DPP6: variants seen among roughly 807,000 people sequenced by gnomAD.
The protein encoded by DPP6 is dipeptidyl peptidase like 6.
Under a neutral mutation model 122.6 loss-of-function variants are expected in DPP6, and 69 were observed. The observed-to-expected ratio is 0.56, with a 90% CI of 0.46 to 0.69. DPP6 has a LOEUF of 0.69. DPP6 is among the 30% of genes least tolerant of loss of function. The probability of loss-of-function intolerance (pLI) is 0.00; values close to 1 mark genes in which losing one functional copy is unlikely to be tolerated. For missense variants in DPP6, 928 were observed against 1,116.9 expected, an observed-to-expected ratio of 0.83 and a Z score of 2.41; for synonymous variants, 418 against 433.1, an observed-to-expected ratio of 0.97 and a Z score of 0.43.
chr7:153,945,440 C>A (rs1585070263), intron 1 of DPP6, among the ~76,000 whole-genome samples: 1 of 152,112 alleles, frequency 6.6e-6, no homozygotes, highest in African/African-American at 2.4e-5. Flanking sequence ...TACATAGAGG[C>A]AGTGGAGATG....
intron 17 of DPP6, among the ~76,000 whole-genome samples, chr7:154,855,814 C>T (rs185288678): frequency 6.6e-6 from 1 of 152,376 alleles, no homozygotes; most frequent in African/African-American, 2.4e-5. Flanking sequence ...AGAGCCTCAA[C>T]TGTGACATCT....
At chr7:153,844,216 C>T in the DPP6 span, among the ~76,000 whole-genome samples, 1 of 152,192 alleles carries the variant, frequency 6.6e-6, no homozygotes, top group African/African-American at 2.4e-5. Context: ...TTACAATAAT[C>T]AGGAGCATTT....
intron 1 of DPP6, among the ~76,000 whole-genome samples, chr7:154,221,052 G>A (rs1437132430): frequency 7.2e-5 from 11 of 152,094 alleles, no homozygotes; most frequent in African/African-American, 1.9e-4. Flanking sequence ...GCATAAAAAC[G>A]GGGTTCCTGC....
chr7:154,651,356 T>C (rs1486570682), intron 6 of DPP6, among the ~76,000 whole-genome samples: 1 of 152,104 alleles, frequency 6.6e-6, no homozygotes, highest in Non-Finnish European at 1.5e-5. Context: ...GTCCTGGGGT[T>C]ACATAAGTAT....
chr7:153,762,962 T>C, the DPP6 span, among the ~76,000 whole-genome samples: 2 of 151,936 alleles, frequency 1.3e-5, no homozygotes, highest in Non-Finnish European at 2.9e-5. Context: ...AACAAAGACA[T>C]AGAGATTACA....
chr7:153,886,324 G>A (rs2128990894), upstream of DPP6, among the ~76,000 whole-genome samples: 1 of 152,336 alleles, frequency 6.6e-6, no homozygotes, highest in Non-Finnish European at 1.5e-5. Context: ...CCCAGGGGCA[G>A]CAGGTGGAGA....
intron 25 of DPP6, 22 bp downstream of exon 25, chr7:154,889,552 GT>G (rs1563332556): frequency 3.8e-6 from 6 of 1,592,502 alleles, no homozygotes; most frequent in Non-Finnish European, 5.1e-6. Context: ...ATGTTACTCT[GT>G]TTTGAACCTG....
intron 1 of DPP6, among the ~76,000 whole-genome samples, chr7:154,166,896 G>A (rs1041335997): frequency 2.7e-5 from 4 of 148,370 alleles, no homozygotes; most frequent in Admixed American, 2.7e-4. Flanking sequence ...GAGCGACAGA[G>A]TGAGATTCCA....
At chr7:154,687,656 C>T (rs138303420) in intron 7 of DPP6, among the ~76,000 whole-genome samples, 1 of 152,212 alleles carries the variant, frequency 6.6e-6, no homozygotes, top group African/African-American at 2.4e-5. Context: ...TGTCTTTTCA[C>T]TCTTATTTTG....
chr7:154,819,971 C>G (rs909087127), intron 16 of DPP6, among the ~76,000 whole-genome samples: 1 of 152,198 alleles, frequency 6.6e-6, no homozygotes, highest in African/African-American at 2.4e-5. Flanking sequence ...GCCAGGGAGA[C>G]TTCCAGAGTG....
intron 6 of DPP6, among the ~76,000 whole-genome samples, chr7:154,660,613 C>A (rs1292117241): frequency 1.5e-5 from 2 of 134,184 alleles, no homozygotes; most frequent in Non-Finnish European, 1.6e-5. Context: ...ATCACCATGG[C>A]ATATTGGCCG....
At chr7:153,781,629 C>T in the DPP6 span, among the ~76,000 whole-genome samples, 1 of 152,226 alleles carries the variant, frequency 6.6e-6, no homozygotes, top group East Asian at 1.9e-4. Context: ...TTGGCTCCCC[C>T]TTATTCTGCT....
intron 1 of DPP6, among the ~76,000 whole-genome samples, chr7:154,268,250 A>G (rs1174105970): frequency 1.3e-5 from 2 of 152,198 alleles, no homozygotes; most frequent in Non-Finnish European, 2.9e-5. Context: ...AACATGATGG[A>G]TTAGCTACTT....
intron 1 of DPP6, among the ~76,000 whole-genome samples, chr7:154,117,843 G>A (rs996395926): frequency 6.6e-6 from 1 of 151,964 alleles, no homozygotes; most frequent in African/African-American, 2.4e-5. Flanking sequence ...GAGGACTGTA[G>A]CATGGCCAGA....
In DPP6 at chr7:154,446,321, G is replaced by A. The variant is rs754013746; in HGVS notation, c.351G>A (p.Leu117=). The A allele has an allele frequency of 6.8e-6, 11 of 1,611,152 alleles. No individual in the cohort carries two copies. The highest frequency in any genetic ancestry group is 9.3e-6 in the Non-Finnish European group (11 of 1,178,044). Residue 117 remains leucine (L), a synonymous_variant, in exon 2 of 26, where the codon CTG becomes CTA. Coordinates refer to ENST00000377770, the MANE Select transcript of DPP6 (RefSeq NM_130797.4). ...TGATCGTCACCTCGGTCATACTTCT[G>A]ACACCAGGTACTGTATTCATTCTTG... The part of the protein sequence containing the change: ...CSLIVTSVIL[L]TPAEDNSLSQ...
At chr7:154,406,333 T>C (rs1173244221) in intron 1 of DPP6, among the ~76,000 whole-genome samples, 1 of 152,214 alleles carries the variant, frequency 6.6e-6, no homozygotes, top group African/African-American at 2.4e-5. Flanking sequence ...CAATGTTTTC[T>C]TAAATTATTT....
the DPP6 span, among the ~76,000 whole-genome samples, chr7:153,785,048 G>A: frequency 3.0e-3 from 464 of 152,262 alleles, no homozygotes; most frequent in African/African-American, 0.011. Context: ...GTAATCAATA[G>A]TAGATTATAG....
chr7:153,924,496 G>A (rs1051626810), intron 1 of DPP6, among the ~76,000 whole-genome samples: 3 of 152,210 alleles, frequency 2.0e-5, no homozygotes, highest in African/African-American at 4.8e-5. Flanking sequence ...TTAAACCATC[G>A]CTCCCTCCCT....
At chr7:154,061,617 A>AGGG (rs1291581045) in intron 1 of DPP6, among the ~76,000 whole-genome samples, 2 of 131,678 alleles carry the variant, frequency 1.5e-5, no homozygotes, top group East Asian at 4.3e-4. Flanking sequence ...CTCCCATCAC[A>AGGG]GGGGGGGGAG....
Sources: allele counts gnomAD v4.1 joint callset (sites outside exome capture counted in the v4.1 genomes callset), GRCh38; gene constraint gnomAD v4.1.1; transcripts MANE v1.5; gene names NCBI Gene and HGNC (gene_info 2026-07-23, HGNC 2026-07-21).